FGFRL1: variants seen among roughly 807,000 people sequenced by gnomAD.
FGFRL1 encodes the protein fibroblast growth factor receptor-like 1.
Under a neutral mutation model 36.8 loss-of-function variants are expected in FGFRL1, and 24 were observed. The observed-to-expected ratio is 0.65, with a 90% CI of 0.47 to 0.92. The LOEUF is 0.92. Ranked by LOEUF, FGFRL1 falls within the 40% of genes least tolerant of loss-of-function variation. FGFRL1 has a pLI of 0.00. For missense variants in FGFRL1, 785 were observed against 753.4 expected (o/e 1.04, Z -0.49); for synonymous variants, 422 against 344.1 (o/e 1.23, Z -2.50).
intron 2 of FGFRL1, among the ~76,000 whole-genome samples, chr4:1,020,496 G>T (rs1202723084): frequency 6.6e-6 from 1 of 151,544 alleles, no homozygotes; most frequent in Non-Finnish European, 1.5e-5. Context: ...AGGCCTGCAG[G>T]GTCTGTGTGT....
intron 2 of FGFRL1, 57 bp downstream of exon 2, chr4:1,012,621 C>T: frequency 1.2e-6 from 1 of 810,842 alleles, no homozygotes; most frequent in Non-Finnish European, 1.8e-6. Context: ...GCCCCCTTCC[C>T]GCCCGGCCCT....
chr4:1,013,881 C>T (rs1715743797), intron 2 of FGFRL1, among the ~76,000 whole-genome samples: 1 of 152,294 alleles, frequency 6.6e-6, no homozygotes, highest in South Asian at 2.1e-4. Context: ...TCCTCCTCAG[C>T]TGCGGCCTTG....
chr4:1,023,370 C>T lies in FGFRL1; in HGVS notation c.353-271C>T, dbSNP rs1716299791. 6.6e-6 allele frequency among the ~76,000 whole-genome samples: 1 copy of T among 152,154 alleles called. No homozygotes were observed. The highest frequency in any genetic ancestry group is 2.4e-5 in the African/African-American group (1 of 41,444). On this transcript the variant is annotated intron_variant, in intron 3 of 6. Transcript: ENST00000510644. This position sits in a 1 kb window ranked among gnomAD's most constrained non-coding sequence, Gnocchi z 6.0. Reference sequence around the variant, plus strand: ...TGGCCGGGCCCGGCTCCCTCCTCCCCCGGGGCCTGCAGACCCCCCGGAGCC... The same window carrying T: ...TGGCCGGGCCCGGCTCCCTCCTCCCTCGGGGCCTGCAGACCCCCCGGAGCC...
rs973264835 is a variant in FGFRL1, at chr4:1,025,193, C to G, written c.1361C>G (p.Ala454Gly). 1.4e-5 allele frequency: 22 copies of G among 1,610,350 alleles called. No individual in the cohort carries two copies. The highest frequency in any genetic ancestry group is 1.6e-4 in the Middle Eastern group (1 of 6,074). Residue 454 changes from alanine to glycine, a missense_variant, in exon 7 of 7, where the codon GCA (alanine) becomes GGA (glycine). Physicochemically the swap from Ala to Gly is moderately conservative, Grantham distance 60. Transcript: ENST00000510644. ...CTGTGTGAGGAGCATGGGTCTCCGG[C>G]AGCCCCCCAGCACTTACTGGGCCCA... is the stretch of plus-strand genomic sequence containing the variant. ...VGLCEEHGSP[A>G]APQHLLGPGP...
chr4:1,021,581 T>C (rs1459268488), intron 2 of FGFRL1, among the ~76,000 whole-genome samples: 2 of 152,168 alleles, frequency 1.3e-5, no homozygotes, highest in African/African-American at 2.4e-5. Flanking sequence ...ACGTGGGTGC[T>C]GCACAGACTC....
At chr4:1,012,625 C>T (rs572794163) in intron 2 of FGFRL1, 61 bp downstream of exon 2, 7 of 732,216 alleles carry the variant, frequency 9.6e-6, no homozygotes, top group Admixed American at 4.3e-5. Context: ...CCTTCCCGCC[C>T]GGCCCTGAAC....
chr4:1,022,069 C>A, intron 2 of FGFRL1, 134 bp from the exon 3 acceptor site: 2 of 660,518 alleles, frequency 3.0e-6, no homozygotes, highest in Non-Finnish European at 4.9e-6. Flanking sequence ...GGCCCCTCTG[C>A]TCATCTTGGG....
At chr4:1,017,269 ACTCTGGC>A (rs1277128456) in intron 2 of FGFRL1, among the ~76,000 whole-genome samples, 1 of 146,770 alleles carries the variant, frequency 6.8e-6, no homozygotes, top group Non-Finnish European at 1.5e-5. Context: ...TCCTCACTCC[ACTCTGGC>A]CTCGTTCGGC....
At chr4:1,017,175 C>T (rs1378872829) in intron 2 of FGFRL1, among the ~76,000 whole-genome samples, 1 of 152,194 alleles carries the variant, frequency 6.6e-6, no homozygotes, top group Non-Finnish European at 1.5e-5. Flanking sequence ...GCCACCCCCA[C>T]CCCGTGGCCA....
At chr4:1,015,877 C>T (rs80303593) in intron 2 of FGFRL1, among the ~76,000 whole-genome samples, 2 of 152,378 alleles carry the variant, frequency 1.3e-5, no homozygotes, top group East Asian at 3.9e-4. Flanking sequence ...TGTAGCCTTC[C>T]TGCCCTGTTC....
chr4:1,025,266 CCACACACACACACA>C lies in FGFRL1; in HGVS notation c.1442_1455del (p.His481LeufsTer66). On this transcript the variant is annotated frameshift_variant, in exon 7 of 7. Transcript: ENST00000510644. LOFTEE classifies it high-confidence loss of function. The stretch of plus-strand genomic sequence containing the variant: ...TGTACCCCAAACTCTACACAGACAT[CCACACACACACACA>C]CACACACTCTCACACACACTCACAC... 1.4e-6 allele frequency: 2 copies of C among 1,438,948 alleles called. No individual in the cohort carries two copies. Among genetic ancestry groups the C allele is most frequent in the Non-Finnish European group, 1.9e-6 (2 of 1,043,776 alleles). 89.1% of individuals were successfully genotyped at this position (1,438,948 alleles called of 1,614,324 possible).
chr4:1,013,393 G>C (rs995828511), intron 2 of FGFRL1, among the ~76,000 whole-genome samples: 2 of 152,256 alleles, frequency 1.3e-5, no homozygotes, highest in Non-Finnish European at 2.9e-5. Context: ...GATTGTCCGC[G>C]CTGTGTCCAC....
At chr4:1,016,425 C>T (rs1232065532) in intron 2 of FGFRL1, among the ~76,000 whole-genome samples, 4 of 152,134 alleles carry the variant, frequency 2.6e-5, no homozygotes. Flanking sequence ...GAATCTTTGC[C>T]TGTTTTAGTG....
rs200119815 is a variant in FGFRL1 at position 1,024,671 on chromosome 4, G to C, written c.1072+7G>C. 1.8e-5 allele frequency: 28 copies of C among 1,590,834 alleles called. No individual in the cohort carries two copies. In the East Asian group the frequency reaches 2.9e-4, roughly 17 times the overall value. Reference sequence around the variant, plus strand: ...TTCCTCACCGTGCTGCCAGGTGCGCGGCTGCCACGCCACGCCACACCATGC... The same window carrying C: ...TTCCTCACCGTGCTGCCAGGTGCGCCGCTGCCACGCCACGCCACACCATGC... On this transcript the variant is annotated splice_region_variant and intron_variant, in intron 6 of 6. Transcript: ENST00000510644.
rs576348147 is a variant in FGFRL1, at chr4:1,023,015, CT to C, written c.352+552del. Among the ~76,000 whole-genome samples the C allele has an allele frequency of 6.0e-3, 879 of 146,338 alleles. 6 individuals are homozygous for C. Among genetic ancestry groups the C allele is most frequent in the South Asian group, 0.057 (269 of 4,682 alleles). The stretch of plus-strand genomic sequence containing the variant: ...TCCTGGGAGCTGGGCTGGCCCGTTT[CT>C]TTTTTTTTTTTAATTCTACTTTAAG... On this transcript the variant is annotated intron_variant, in intron 3 of 6. Transcript: ENST00000510644. The surrounding 1 kb of genome is among the most constrained non-coding windows in gnomAD (Gnocchi z 6.0).
intron 2 of FGFRL1, among the ~76,000 whole-genome samples, chr4:1,017,336 G>T (rs892351744): frequency 6.6e-6 from 1 of 152,148 alleles, no homozygotes; most frequent in Non-Finnish European, 1.5e-5. Context: ...TTGGGTAGCC[G>T]GTCAGGGTTG....
chr4:1,024,226 C>T lies in FGFRL1; in HGVS notation c.719-85C>T. 4 of 242,694 alleles carry T rather than the reference C, an allele frequency of 1.6e-5. No homozygotes were observed. In the East Asian group the frequency reaches 2.9e-4, roughly 18 times the overall value. The allele number at this position is 242,694 out of a possible 1,614,324, so 15.0% of individuals were successfully genotyped here. On this transcript the variant is annotated intron_variant, in intron 5 of 6. Transcript: ENST00000510644. ...ACTGGCAGGGCTTGGGGGTGGTGGG[C>T]TGGGGGTGCTGGTGGGCCCAGGGTG...
chr4:1,012,450 G>T lies in FGFRL1; in HGVS notation c.-16-20G>T, dbSNP rs751840289. 7 of 1,575,278 alleles carry T rather than the reference G, an allele frequency of 4.4e-6. No individual in the cohort carries two copies. Among genetic ancestry groups the T allele is most frequent in the South Asian group, 1.1e-5 (1 of 88,182 alleles). On this transcript the variant is annotated intron_variant, in intron 1 of 6. Coordinates refer to ENST00000510644, the MANE Select transcript of FGFRL1 (RefSeq NM_001004356.3). ...TCTCCCAGTTCCACGTGTTAGTGAC[G>T]GCGCCCCCAATGTCCCCAGGTCCGG... is the stretch of plus-strand genomic sequence containing the variant.
chr4:1,013,686 C>T (rs570456377), intron 2 of FGFRL1, among the ~76,000 whole-genome samples: 116 of 152,392 alleles, frequency 7.6e-4, no homozygotes, highest in Middle Eastern at 6.8e-3. Context: ...TGTTTGGCCT[C>T]CCCAATCCCT....
Sources: allele counts gnomAD v4.1 joint callset (sites outside exome capture counted in the v4.1 genomes callset), GRCh38; gene constraint gnomAD v4.1.1; non-coding constraint Gnocchi (gnomAD v3.1); transcripts MANE v1.5; gene names NCBI Gene and HGNC (gene_info 2026-07-23, HGNC 2026-07-21).